The following COL9A3 variants were observed in gnomAD, a reference collection of about 807,000 sequenced individuals.
COL9A3 encodes the protein collagen type IX alpha 3 chain.
Under a neutral mutation model 110.2 loss-of-function variants are expected in COL9A3, and 82 were observed. That is an observed-to-expected ratio of 0.74 (90% CI 0.62 to 0.89). COL9A3 has a LOEUF of 0.89. Ranked by LOEUF, COL9A3 falls within the 40% of genes least tolerant of loss-of-function variation. The probability of loss-of-function intolerance (pLI) is 0.00; values close to 1 mark genes in which losing one functional copy is unlikely to be tolerated. For missense variants in COL9A3, 1,066 were observed against 981.3 expected (o/e 1.09, Z -1.15); for synonymous variants, 494 against 403.8 (o/e 1.22, Z -2.68).
rs45526435 is a variant in COL9A3 at position 62,831,662 on chromosome 20, G to A, written c.1288-492G>A. ...CAGGTGTGGGTGGGGCCTGGTGGCT[G>A]AATTTCCCTTTCACTTTAAACTCAC... On this transcript the variant is annotated intron_variant, in intron 24 of 31. Coordinates refer to ENST00000649368, the MANE Select transcript of COL9A3 (RefSeq NM_001853.4). The A allele has an allele frequency of 5.7e-4, 105 of 183,494 alleles. 1 individual carries two copies. Among genetic ancestry groups the A allele is most frequent in the Non-Finnish European group, 9.2e-4 (79 of 85,788 alleles). The allele number at this position is 183,494 out of a possible 1,614,324, so 11.4% of individuals were successfully genotyped here. A position where few individuals can be genotyped will look rare whatever the true frequency, so the allele number is the denominator to read the frequency against.
chr20:62,822,196 T>G (rs768737243), intron 9 of COL9A3, 32 bp downstream of exon 9: 2 of 1,352,274 alleles, frequency 1.5e-6, no homozygotes, highest in Middle Eastern at 1.8e-4. Context: ...TAAGAAGTGC[T>G]GGGCATGGAC....
rs759172410 is a variant in COL9A3 at position 62,837,278 on chromosome 20, C to T, written c.1786+13C>T. ...CCCGGGCCCAGAGGTGAGTGTTTGA[C>T]CCCATGACACGGTCACCCTGCTGTA... On this transcript the variant is annotated intron_variant, in intron 30 of 31. Transcript: ENST00000649368. The T allele has an allele frequency of 1.1e-5, 17 of 1,606,914 alleles. No homozygotes were observed. The highest frequency in any genetic ancestry group is 7.6e-6 in the Non-Finnish European group (9 of 1,179,382).
rs529482411 is a variant in COL9A3 at position 62,826,606 on chromosome 20, G to A, written c.739-161G>A. Among the ~76,000 whole-genome samples, 4 of 152,332 alleles carry A rather than the reference G, an allele frequency of 2.6e-5. No homozygotes were observed. In the East Asian group the frequency reaches 7.7e-4, roughly 29 times the overall value. ...TGTGGCTTAGGCCAGAGCAGGAGGGGAAGCAGGGATTTGGAGACTACTAGG... is the reference window on the plus strand; with the variant it reads ...TGTGGCTTAGGCCAGAGCAGGAGGGAAAGCAGGGATTTGGAGACTACTAGG... On this transcript the variant is annotated intron_variant, in intron 14 of 31. Transcript: ENST00000649368.
intron 9 of COL9A3, 149 bp downstream of exon 9, chr20:62,822,313 G>A (rs1237670294): frequency 2.5e-5 from 18 of 715,474 alleles, no homozygotes; most frequent in Non-Finnish European, 2.6e-6. Flanking sequence ...AATGGTGGGG[G>A]CAGTGGCTGT....
At chr20:62,839,635 C>G (rs1430751815) in intron 31 of COL9A3, among the ~76,000 whole-genome samples, 1 of 150,940 alleles carries the variant, frequency 6.6e-6, no homozygotes, top group African/African-American at 2.4e-5. Flanking sequence ...TCACACTGCT[C>G]TCTGGATGCC....
intron 31 of COL9A3, among the ~76,000 whole-genome samples, chr20:62,839,870 A>G (rs973460226): frequency 3.3e-5 from 5 of 151,200 alleles, no homozygotes; most frequent in African/African-American, 2.4e-5. Context: ...CCCTCCACGC[A>G]CACACACTGC....
At chr20:62,821,607 C>T (rs1724580401) in intron 7 of COL9A3, 77 bp downstream of exon 7, 8 of 1,603,414 alleles carry the variant, frequency 5.0e-6, no homozygotes, top group African/African-American at 2.7e-5. Context: ...TGTCCCAAAC[C>T]GTGCCTGGGG....
At chr20:62,825,691 C>T (rs561661835) in intron 12 of COL9A3, 126 bp from the exon 13 acceptor site, 1 of 986,176 alleles carries the variant, frequency 1.0e-6, no homozygotes, top group Admixed American at 2.0e-5. Context: ...CACAGAGCCT[C>T]CAAGGCCCAG....
At chr20:62,826,381 A>G (rs1440114103) in intron 14 of COL9A3, 124 bp downstream of exon 14, 4 of 926,556 alleles carry the variant, frequency 4.3e-6, no homozygotes, top group Non-Finnish European at 6.6e-6. Flanking sequence ...GGCTCTGGCC[A>G]TCGCCACTGT....
rs2063541123 is a variant in COL9A3, at chr20:62,825,105, GA to G, written c.630+85del. Reference sequence around the variant, plus strand: ...GGAGGGAGGGGCTGGGCTCCGGCGGGAGGGAGGGGCTGGGCTCCGGCGGGAG... The same window carrying G: ...GGAGGGAGGGGCTGGGCTCCGGCGGGGGGAGGGGCTGGGCTCCGGCGGGAG... On this transcript the variant is annotated intron_variant, in intron 12 of 31. Coordinates refer to ENST00000649368, the MANE Select transcript of COL9A3 (RefSeq NM_001853.4). 59 of 429,616 alleles carry G rather than the reference GA, an allele frequency of 1.4e-4. 6 individuals are homozygous for G. The highest frequency in any genetic ancestry group is 5.5e-4 in the African/African-American group (15 of 27,418). The allele number at this position is 429,616 out of a possible 1,614,324, so 26.6% of individuals were successfully genotyped here.
At chr20:62,817,673 G>C (rs1990979238) in intron 2 of COL9A3, 38 bp downstream of exon 2, 1 of 1,439,060 alleles carries the variant, frequency 6.9e-7, no homozygotes, top group African/African-American at 1.4e-5. Context: ...AGCGCTCTGG[G>C]GTTCTGGCTC....
rs927191342 is a variant in COL9A3, at chr20:62,832,263, C to T, written c.1323+74C>T. ...AGCTTCTCCCAGGCTCCTCCTGTCC[C>T]GGCTCTGGCCCTGGCTGTGTTTTCG... On this transcript the variant is annotated intron_variant, in intron 25 of 31. Transcript: ENST00000649368. 103 of 1,476,216 alleles carry T rather than the reference C, an allele frequency of 7.0e-5. 1 individual carries two copies. Among genetic ancestry groups the T allele is most frequent in the South Asian group, 1.6e-4 (14 of 88,062 alleles). 91.4% of individuals were successfully genotyped at this position (1,476,216 alleles called of 1,614,324 possible). A position where few individuals can be genotyped will look rare whatever the true frequency, so the allele number is the denominator to read the frequency against.
chr20:62,827,798 G>A, intron 16 of COL9A3, 125 bp from the exon 17 acceptor site: 1 of 957,212 alleles, frequency 1.0e-6, no homozygotes, highest in South Asian at 1.3e-5. Context: ...CCAGGGTGGT[G>A]GTCGGGGGTG....
intron 24 of COL9A3, 70 bp from the exon 25 acceptor site, chr20:62,832,084 G>C: frequency 6.8e-7 from 1 of 1,472,752 alleles, no homozygotes; most frequent in East Asian, 2.3e-5. Flanking sequence ...TACCATTCCT[G>C]GGCCCAGGGC....
At chr20:62,834,886 G>A (rs1271139900) in intron 26 of COL9A3, among the ~76,000 whole-genome samples, 1 of 152,140 alleles carries the variant, frequency 6.6e-6, no homozygotes, top group Non-Finnish European at 1.5e-5. Flanking sequence ...TGATCCGCTC[G>A]CCTTGGCCTC....
chr20:62,818,102 G>A (rs1600786085), intron 2 of COL9A3, among the ~76,000 whole-genome samples: 1 of 152,154 alleles, frequency 6.6e-6, no homozygotes, highest in Non-Finnish European at 1.5e-5. Flanking sequence ...GGAGGAGGCG[G>A]CTGAAATTCT....
At position 62,829,784 on chromosome 20, in the gene COL9A3, G is replaced by T. The variant is rs764372745; in HGVS notation, c.1126G>T (p.Gly376Trp). The T allele has an allele frequency of 2.5e-6, 4 of 1,587,454 alleles. No homozygotes were observed. Residue 376 changes from glycine to tryptophan, a missense_variant, in exon 22 of 32, where the codon GGG becomes TGG. Physicochemically the swap from Gly to Trp is radical, Grantham distance 184 (BLOSUM62 -2). Coordinates refer to ENST00000649368, the MANE Select transcript of COL9A3 (RefSeq NM_001853.4). ...PGVPGDAGMP[G>W]ERGEAGHRGS... ...CCTGTAGGGAGATGCTGGCATGCCTGGGGAGCGCGGTGAGGCTGGCCACCG... is the reference window on the plus strand; with the variant it reads ...CCTGTAGGGAGATGCTGGCATGCCTTGGGAGCGCGGTGAGGCTGGCCACCG...
Position 62,840,724 on chromosome 20 carries a change from A to G in COL9A3, c.2047A>G (p.Ser683Gly). ...GGVGEKSGSRSS is the reference protein window; with the variant it reads ...GGVGEKSGSRGS ...GGTCGGGGAGAAATCAGGCTCTCGA[A>G]GCTCATAAAATTCAACGTGAGGAAG... is the stretch of plus-strand genomic sequence containing the variant. Residue 683 changes from serine (S) to glycine (G), a missense_variant, in exon 32 of 32, where the codon AGC becomes GGC. By Grantham distance (56) the Ser-to-Gly change is moderately conservative. Transcript: ENST00000649368. 1 of 1,568,690 alleles carries G rather than the reference A, an allele frequency of 6.4e-7. No individual in the cohort carries two copies. The highest frequency in any genetic ancestry group is 8.7e-7 in the Non-Finnish European group (1 of 1,155,954).
intron 1 of COL9A3, 197 bp downstream of exon 1, chr20:62,817,339 G>A: frequency 4.1e-6 from 2 of 489,496 alleles, no homozygotes; most frequent in Non-Finnish European, 6.8e-6. Context: ...CGGGTCGGCC[G>A]GCGCCGCCGC....
Sources: allele counts gnomAD v4.1 joint callset (sites outside exome capture counted in the v4.1 genomes callset), GRCh38; gene constraint gnomAD v4.1.1; transcripts MANE v1.5; gene names NCBI Gene and HGNC (gene_info 2026-07-23, HGNC 2026-07-21).